Variants in MME observed in about 807,000 individuals in gnomAD.
MME encodes membrane metalloendopeptidase, also known as neprilysin.
MME carries 98 observed loss-of-function variants against 113.2 expected under a neutral mutation model. The ratio of observed to expected loss-of-function variants is 0.87; its 90% CI spans 0.74 to 1.02. The LOEUF is 1.02. Among genes scored for constraint, MME ranks in the 50% least tolerant of loss-of-function variants. MME has a pLI of 0.00. For synonymous variants in MME, 292 were observed against 300.6 expected (o/e 0.97, Z 0.30); for missense variants, 836 against 896.0 (o/e 0.93, Z 0.86).
At chr3:155,044,148 T>TTTTTTTG (rs1713459745) in intron 1 of MME, among the ~76,000 whole-genome samples, 1 of 136,072 alleles carries the variant, frequency 7.3e-6, no homozygotes, top group Non-Finnish European at 1.6e-5. Context: ...TTTTTTTTTT[T>TTTTTTTG]GAGACAGGGG....
intron 16 of MME, among the ~76,000 whole-genome samples, chr3:155,160,030 A>G (rs536807946): frequency 6.6e-6 from 1 of 152,148 alleles, no homozygotes; most frequent in South Asian, 2.1e-4. Context: ...ACTGCTCCAG[A>G]ATCGTTGTCA....
chr3:155,074,916 TA>T (rs916930560), upstream of MME, among the ~76,000 whole-genome samples: 2 of 152,040 alleles, frequency 1.3e-5, no homozygotes, highest in East Asian at 1.9e-4. Context: ...CATAGGTGCT[TA>T]AAAAAATATA....
chr3:155,178,525 C>G (rs891477830), intron 22 of MME, among the ~76,000 whole-genome samples: 15 of 152,056 alleles, frequency 9.9e-5, no homozygotes, highest in African/African-American at 3.6e-4. Context: ...TGTGACCAAC[C>G]AGGTCACAGG....
chr3:155,063,311 A>G lies in MME; in HGVS notation c.-10-20847A>G, dbSNP rs964252296. ...TATACATATTATATAAAGATATAAT[A>G]TATCATTTATAATATATATAAATAT... On this transcript the variant is annotated intron_variant, in intron 1 of 22. Transcript: ENST00000492661. Among the ~76,000 whole-genome samples the G allele has an allele frequency of 4.6e-3, 513 of 112,464 alleles. 5 individuals are homozygous for G. Among genetic ancestry groups the G allele is most frequent in the East Asian group, 0.015 (62 of 4,112 alleles). The allele number at this position is 112,464 out of a possible 152,430, so 73.8% of individuals were successfully genotyped here.
chr3:155,089,919 G>A (rs1371256678), intron 3 of MME: 4 of 439,632 alleles, frequency 9.1e-6, no homozygotes, highest in Non-Finnish European at 1.8e-5. Context: ...AAGATTGCAC[G>A]ACTGCACTCC....
chr3:155,060,504 C>T (rs1714094883), intron 1 of MME, among the ~76,000 whole-genome samples: 1 of 152,082 alleles, frequency 6.6e-6, no homozygotes, highest in Non-Finnish European at 1.5e-5. Context: ...ACAGTCTTCC[C>T]TGTAAGTAGG....
chr3:155,135,969 A>G (rs1211091854), intron 8 of MME, among the ~76,000 whole-genome samples: 16 of 152,204 alleles, frequency 1.1e-4, no homozygotes, highest in Non-Finnish European at 1.0e-4. Flanking sequence ...TAGATATGCC[A>G]CCAATTTTTA....
chr3:155,126,859 C>T (rs1162643469), intron 8 of MME, among the ~76,000 whole-genome samples: 2 of 151,718 alleles, frequency 1.3e-5, no homozygotes, highest in Non-Finnish European at 2.9e-5. Flanking sequence ...ATTAGCCGGG[C>T]GTGGTTCTGC....
intron 1 of MME, among the ~76,000 whole-genome samples, chr3:155,063,165 A>G (rs541550125): frequency 2.2e-4 from 29 of 131,060 alleles, no homozygotes; most frequent in African/African-American, 8.6e-4. Context: ...TTGTATAATT[A>G]TATATATTAT....
intron 3 of MME, among the ~76,000 whole-genome samples, chr3:155,087,963 A>G (rs1715908350): frequency 6.6e-6 from 1 of 152,198 alleles, no homozygotes; most frequent in Non-Finnish European, 1.5e-5. Flanking sequence ...TAGCTTAGAA[A>G]TCAAACCAAA....
intron 20 of MME, among the ~76,000 whole-genome samples, chr3:155,171,543 T>G (rs1711973391): frequency 1.3e-5 from 2 of 152,170 alleles, no homozygotes; most frequent in Non-Finnish European, 2.9e-5. Context: ...TACCTAAATA[T>G]TTTCCTTCAA....
At chr3:155,042,942 A>ATG (rs1713407831) in intron 1 of MME, among the ~76,000 whole-genome samples, 2 of 117,072 alleles carry the variant, frequency 1.7e-5, no homozygotes, top group African/African-American at 6.9e-5. Flanking sequence ...ATATATATGT[A>ATG]TATATATATA....
chr3:155,111,789 A>T (rs1718210861), intron 3 of MME, among the ~76,000 whole-genome samples: 1 of 152,192 alleles, frequency 6.6e-6, no homozygotes, highest in South Asian at 2.1e-4. Flanking sequence ...AGAGGAAGAA[A>T]ACAGAAGTGC....
chr3:155,048,257 T>C (rs923985205), intron 1 of MME, among the ~76,000 whole-genome samples: 3 of 152,194 alleles, frequency 2.0e-5, no homozygotes, highest in African/African-American at 7.2e-5. Context: ...AAGTCCCCTT[T>C]TCCTGGTTTC....
At chr3:155,035,004 G>A (rs1374360775) in intron 1 of MME, among the ~76,000 whole-genome samples, 1 of 152,036 alleles carries the variant, frequency 6.6e-6, no homozygotes, top group Non-Finnish European at 1.5e-5. Flanking sequence ...CTCAGGAAGG[G>A]AATGTACCAG....
intron 1 of MME, among the ~76,000 whole-genome samples, chr3:155,032,779 C>T (rs1713012175): frequency 6.6e-6 from 1 of 152,066 alleles, no homozygotes; most frequent in African/African-American, 2.4e-5. Context: ...TTTATTCAAA[C>T]ACAAAGTTCG....
chr3:155,103,141 A>G (rs1355620315), intron 3 of MME, among the ~76,000 whole-genome samples: 2 of 152,074 alleles, frequency 1.3e-5, no homozygotes, highest in African/African-American at 4.8e-5. Flanking sequence ...TAGTTGTTCA[A>G]TGTCTGGTTT....
At chr3:155,127,599 T>C (rs1460314378) in intron 8 of MME, among the ~76,000 whole-genome samples, 1 of 152,206 alleles carries the variant, frequency 6.6e-6, no homozygotes, top group Non-Finnish European at 1.5e-5. Flanking sequence ...ATTTAAAAGA[T>C]GAGGAGTACA....
intron 1 of MME, among the ~76,000 whole-genome samples, chr3:155,041,519 A>G (rs73874469): frequency 0.023 from 3,578 of 152,262 alleles, 138 homozygotes; most frequent in African/African-American, 0.076. Context: ...ATTTTTAAAG[A>G]AAAGGATTTT....
Sources: allele counts gnomAD v4.1 joint callset (sites outside exome capture counted in the v4.1 genomes callset), GRCh38; gene constraint gnomAD v4.1.1; transcripts MANE v1.5; gene names NCBI Gene and HGNC (gene_info 2026-07-23, HGNC 2026-07-21).